MED13L: variants seen among roughly 807,000 people sequenced by gnomAD.
MED13L encodes the protein mediator complex subunit 13L.
Under a neutral mutation model 220.9 loss-of-function variants are expected in MED13L, and 7 were observed. The observed-to-expected ratio is 0.03, with a 90% CI of 0.02 to 0.06. The LOEUF is 0.06. Ranked by LOEUF, MED13L falls within the 10% of genes least tolerant of loss-of-function variation. The pLI is 1.00. For synonymous variants in MED13L, 1,011 were observed against 1,015.2 expected (o/e 1.00, Z 0.08); for missense variants, 1,965 against 2,760.5 (o/e 0.71, Z 6.46).
intron 2 of MED13L, among the ~76,000 whole-genome samples, chr12:116,128,932 A>C (rs1875831068): frequency 1.3e-5 from 2 of 152,142 alleles, no homozygotes; most frequent in African/African-American, 4.8e-5. Context: ...TTTCCCTTGA[A>C]GAATGAGGGG....
intron 3 of MED13L, among the ~76,000 whole-genome samples, chr12:116,098,072 C>T (rs947560755): frequency 3.9e-5 from 6 of 152,060 alleles, no homozygotes; most frequent in African/African-American, 1.4e-4. Flanking sequence ...TGGTCAAACC[C>T]CGTTTCTACT....
intron 2 of MED13L, among the ~76,000 whole-genome samples, chr12:116,161,314 A>G (rs1878835785): frequency 6.6e-6 from 1 of 152,284 alleles, no homozygotes; most frequent in South Asian, 2.1e-4. Context: ...CTCCTGAAAC[A>G]GTTCTGGAAG....
chr12:116,035,810 C>T (rs1438599709), intron 4 of MED13L, among the ~76,000 whole-genome samples: 2 of 151,968 alleles, frequency 1.3e-5, no homozygotes, highest in African/African-American at 4.8e-5. Flanking sequence ...AGGATCGTCT[C>T]GAAGGACCCA....
chr12:116,061,708 T>C (rs1480888663), intron 4 of MED13L, among the ~76,000 whole-genome samples: 1 of 151,964 alleles, frequency 6.6e-6, no homozygotes, highest in Non-Finnish European at 1.5e-5. Flanking sequence ...ACAAAACATA[T>C]CAGAAAGGAA....
intron 2 of MED13L, among the ~76,000 whole-genome samples, chr12:116,222,759 T>TA (rs1220946450): frequency 6.6e-6 from 1 of 152,198 alleles, no homozygotes; most frequent in African/African-American, 2.4e-5. Flanking sequence ...AATGCCACTT[T>TA]AAAATCATAC....
chr12:115,992,139 T>G (rs990564714), intron 16 of MED13L, among the ~76,000 whole-genome samples, 182 bp from the exon 17 acceptor site: 1 of 152,026 alleles, frequency 6.6e-6, no homozygotes, highest in African/African-American at 2.4e-5. Context: ...GTCAGTGCAG[T>G]GTGTAGAGAA....
At chr12:116,120,937 C>T (rs993699005) in intron 2 of MED13L, among the ~76,000 whole-genome samples, 2 of 152,028 alleles carry the variant, frequency 1.3e-5, no homozygotes, top group African/African-American at 4.8e-5. Flanking sequence ...TGAGTGACAA[C>T]AGTCAATCAA....
intron 4 of MED13L, among the ~76,000 whole-genome samples, chr12:116,039,290 G>A (rs1881383063): frequency 6.6e-6 from 1 of 152,104 alleles, no homozygotes; most frequent in African/African-American, 2.4e-5. Context: ...CAGAGACCAG[G>A]GCCTTTCATA....
chr12:116,246,626 A>G (rs1366600575), intron 1 of MED13L, among the ~76,000 whole-genome samples: 1 of 148,418 alleles, frequency 6.7e-6, no homozygotes, highest in African/African-American at 2.5e-5. Context: ...TGGGCAAGAC[A>G]GCAAGACCTT....
chr12:116,258,479 T>C (rs553436256), intron 1 of MED13L, among the ~76,000 whole-genome samples: 1 of 151,920 alleles, frequency 6.6e-6, no homozygotes, highest in East Asian at 1.9e-4. Context: ...AATTTTATTA[T>C]AAAAAGAAAA....
intron 1 of MED13L, among the ~76,000 whole-genome samples, chr12:116,254,802 G>A (rs2138532890): frequency 6.6e-6 from 1 of 152,194 alleles, no homozygotes; most frequent in Admixed American, 6.5e-5. Context: ...CATTAAAACA[G>A]CATTGAAAAA....
At chr12:116,093,097 A>G (rs2137799764) in intron 4 of MED13L, among the ~76,000 whole-genome samples, 1 of 152,320 alleles carries the variant, frequency 6.6e-6, no homozygotes, top group Non-Finnish European at 1.5e-5. Context: ...TAGAAAACAA[A>G]TGCCTTCCCA....
At chr12:115,974,866 GTTC>G (rs776789804) in intron 25 of MED13L, among the ~76,000 whole-genome samples, 8 of 152,070 alleles carry the variant, frequency 5.3e-5, no homozygotes, top group Non-Finnish European at 7.4e-5. Flanking sequence ...AAACTGACTA[GTTC>G]TTCTCCCTGA....
At chr12:115,976,096 T>C (rs1028660518) in intron 23 of MED13L, among the ~76,000 whole-genome samples, 6 of 152,068 alleles carry the variant, frequency 3.9e-5, no homozygotes, top group Non-Finnish European at 8.8e-5. Flanking sequence ...AGAGAAAATA[T>C]TGGTAAGAAT....
At chr12:116,023,845 A>G (rs1880213503) in intron 4 of MED13L, among the ~76,000 whole-genome samples, 1 of 152,240 alleles carries the variant, frequency 6.6e-6, no homozygotes, top group Non-Finnish European at 1.5e-5. Context: ...AGTTCACAAA[A>G]GCAAAAATGC....
chr12:116,069,932 C>CA (rs774729397), intron 4 of MED13L, among the ~76,000 whole-genome samples: 1 of 151,982 alleles, frequency 6.6e-6, no homozygotes, highest in Non-Finnish European at 1.5e-5. Flanking sequence ...TTTCAAAATC[C>CA]AAAAAAATCC....
At chr12:115,978,483 C>A (rs752211353) in intron 23 of MED13L, among the ~76,000 whole-genome samples, 2 of 152,032 alleles carry the variant, frequency 1.3e-5, no homozygotes, top group African/African-American at 4.8e-5. Flanking sequence ...TCCGCCACCA[C>A]GCCTGGCTAA....
intron 2 of MED13L, among the ~76,000 whole-genome samples, chr12:116,133,057 T>C (rs1876218433): frequency 6.6e-6 from 1 of 152,192 alleles, no homozygotes; most frequent in South Asian, 2.1e-4. Context: ...TTGAAAACTA[T>C]AAGTTTGATT....
intron 2 of MED13L, among the ~76,000 whole-genome samples, chr12:116,147,077 T>A (rs1877589360): frequency 6.6e-6 from 1 of 152,100 alleles, no homozygotes; most frequent in African/African-American, 2.4e-5. Flanking sequence ...GCCCATTGCC[T>A]CAGAGAAGAT....
Sources: gnomAD v4.1 joint callset for allele counts (sites outside exome capture counted in the v4.1 genomes callset) on GRCh38, gnomAD v4.1.1 for gene constraint, MANE v1.5 for transcripts, NCBI Gene and HGNC (gene_info 2026-07-23, HGNC 2026-07-21) for gene names.